Variants in MAGED1 observed in about 807,000 individuals in gnomAD.
MAGED1 encodes melanoma-associated antigen D1.
A neutral mutation model predicts 54.1 loss-of-function variants in MAGED1; 3 were observed. That is an observed-to-expected ratio of 0.06 (90% CI 0.03 to 0.14). The LOEUF (loss-of-function observed/expected upper bound fraction) is 0.14. MAGED1 is among the 10% of genes least tolerant of loss of function. The pLI, the probability that MAGED1 is intolerant of heterozygous loss-of-function variation, is 1.00. For synonymous variants in MAGED1, 217 were observed against 227.3 expected (o/e 0.95, Z 0.41); for missense variants, 485 against 623.4 (o/e 0.78, Z 2.36).
chrX:51,887,271 AT>A (rs1454208485), intron 1 of MAGED1, among the ~76,000 whole-genome samples: 1 of 111,907 alleles, frequency 8.9e-6, no homozygotes, highest in Admixed American at 9.5e-5. Context: ...TTTTCCCTAA[AT>A]TGATACACAG....
chrX:51,901,539 A>G lies in MAGED1; in HGVS notation c.1960-14A>G. ...GTAAATGGATTTTGTTTTGTTTTCTATTCCTCATCTCAGGTTCAGAAAAGA... is the reference window on the plus strand; with the variant it reads ...GTAAATGGATTTTGTTTTGTTTTCTGTTCCTCATCTCAGGTTCAGAAAAGA... On this transcript the variant is annotated splice_polypyrimidine_tract_variant and intron_variant, in intron 11 of 12. Transcript: ENST00000326587. The G allele has an allele frequency of 8.8e-7, 1 of 1,139,273 alleles. No homozygotes were observed. The highest frequency in any genetic ancestry group is 1.2e-6 in the Non-Finnish European group (1 of 860,881). 93.9% of individuals were successfully genotyped at this position (1,139,273 alleles called of 1,213,427 possible).
intron 1 of MAGED1, among the ~76,000 whole-genome samples, chrX:51,873,287 G>A (rs1557361765): frequency 9.0e-6 from 1 of 110,591 alleles, no homozygotes; most frequent in African/African-American, 3.3e-5. Flanking sequence ...CCATGATCCA[G>A]TCACCTCCCA....
chrX:51,876,779 TC>T (rs1320793932), intron 1 of MAGED1, among the ~76,000 whole-genome samples: 5 of 111,123 alleles, frequency 4.5e-5, no homozygotes, highest in African/African-American at 1.6e-4. Flanking sequence ...TCTTTTCTTT[TC>T]TTTTCTTTTT....
intron 1 of MAGED1, among the ~76,000 whole-genome samples, chrX:51,833,877 A>AC (rs1557357689): frequency 9.0e-6 from 1 of 111,021 alleles, no homozygotes; most frequent in Non-Finnish European, 1.9e-5. Flanking sequence ...CCCTGTATGA[A>AC]CCCCCAATCA....
At chrX:51,900,889 C>G (rs1436669382) in intron 11 of MAGED1, among the ~76,000 whole-genome samples, 3 of 112,599 alleles carry the variant, frequency 2.7e-5, no homozygotes, top group Admixed American at 9.4e-5. Context: ...CTGCCTCAGC[C>G]TCCCAAAGTG....
intron 1 of MAGED1, among the ~76,000 whole-genome samples, chrX:51,808,882 G>A (rs1210223009): frequency 9.0e-6 from 1 of 111,645 alleles, no homozygotes; most frequent in Admixed American, 9.5e-5. Context: ...TAATTCATAG[G>A]TGCATTAAGT....
chrX:51,882,596 C>T (rs1175127597), intron 1 of MAGED1, among the ~76,000 whole-genome samples: 1 of 64,898 alleles, frequency 1.5e-5, no homozygotes, highest in African/African-American at 6.3e-5. Context: ...CTGGAAACAC[C>T]AAAGGGCACA....
At chrX:51,894,993 C>T (rs1269932099) in intron 2 of MAGED1, 60 bp from the exon 3 acceptor site, 6 of 1,040,937 alleles carry the variant, frequency 5.8e-6, no homozygotes, top group Non-Finnish European at 7.7e-6. Flanking sequence ...CTCCCTATTC[C>T]CACCCCACCT....
intron 1 of MAGED1, among the ~76,000 whole-genome samples, chrX:51,808,710 GA>G (rs34543962): frequency 0.12 from 13,144 of 108,937 alleles, 661 homozygotes; most frequent in Middle Eastern, 0.15. Context: ...CCCTGCCTTA[GA>G]AAAAAAAATA....
At chrX:51,900,959 TA>T (rs1928995618) in intron 11 of MAGED1, among the ~76,000 whole-genome samples, 1 of 112,404 alleles carries the variant, frequency 8.9e-6, no homozygotes, top group African/African-American at 3.2e-5. Context: ...AACTGACTAA[TA>T]AAAAATATAC....
intron 1 of MAGED1, among the ~76,000 whole-genome samples, chrX:51,853,630 G>C (rs1455282469): frequency 8.9e-6 from 1 of 112,362 alleles, no homozygotes; most frequent in Non-Finnish European, 1.9e-5. Context: ...TTGCTTCACT[G>C]CTCTATTTAC....
chrX:51,815,071 G>A lies in MAGED1; in HGVS notation c.-37+11954G>A, dbSNP rs901987065. Among the ~76,000 whole-genome samples the A allele has an allele frequency of 1.2e-4, 13 of 109,361 alleles. No individual in the cohort carries two copies. In the South Asian group the frequency reaches 1.6e-3, roughly 14 times the overall value. The allele number at this position is 109,361 out of a possible 115,157, so 95.0% of individuals were successfully genotyped here. On this transcript the variant is annotated intron_variant, in intron 1 of 12. Transcript: ENST00000375772. ...GGCATGAGAATCGCTTGAACCTGGG[G>A]GGCAGAGCTTGCAGTGACCCAAGAT...
chrX:51,897,157 GT>G, intron 4 of MAGED1, 50 bp from the exon 5 acceptor site: 1 of 1,200,712 alleles, frequency 8.3e-7, no homozygotes, highest in Non-Finnish European at 1.1e-6. Flanking sequence ...ATTCAACCAA[GT>G]TTTTTTGTAA....
At chrX:51,836,457 T>C (rs1389976964) in intron 1 of MAGED1, among the ~76,000 whole-genome samples, 1 of 111,540 alleles carries the variant, frequency 9.0e-6, no homozygotes, top group Non-Finnish European at 1.9e-5. Context: ...TGGCTGTTGG[T>C]AACAGGTGCT....
At chrX:51,812,573 A>G (rs926048953) in intron 1 of MAGED1, among the ~76,000 whole-genome samples, 2 of 111,955 alleles carry the variant, frequency 1.8e-5, no homozygotes, top group Non-Finnish European at 3.8e-5. Flanking sequence ...TCCATATTAT[A>G]GCATGTCTTA....
Position 51,897,019 on chromosome X carries a change from G to T in MAGED1, c.1364G>T (p.Arg455Leu). Residue 455 changes from arginine (R) to leucine (L), a missense_variant, in exon 4 of 13, where the codon CGT becomes CTT. Transcript: ENST00000326587. ...AACCTGCGCCCTTCTCCCAACTCGC[G>T]TGCCTCACAGAACCCAGGTGCTGCA... is the stretch of plus-strand genomic sequence containing the variant. ...SPNLRPSPNS[R>L]ASQNPGAAQP... 3.3e-6 allele frequency: 4 copies of T among 1,211,451 alleles called. No individual in the cohort carries two copies. Among genetic ancestry groups the T allele is most frequent in the Non-Finnish European group, 4.5e-6 (4 of 895,435 alleles).
chrX:51,900,436 G>T, intron 11 of MAGED1, 140 bp downstream of exon 11: 1 of 436,360 alleles, frequency 2.3e-6, no homozygotes. Flanking sequence ...GTTGCTGTTA[G>T]GTAAACTTAA....
chrX:51,803,481 C>CA (rs1352187258), intron 1 of MAGED1, among the ~76,000 whole-genome samples: 1 of 109,201 alleles, frequency 9.2e-6, no homozygotes, highest in Non-Finnish European at 1.9e-5. Flanking sequence ...TTCTGCCCCC[C>CA]ATCCTGTTAA....
chrX:51,843,234 A>G (rs1166881291), intron 1 of MAGED1, among the ~76,000 whole-genome samples: 1 of 111,680 alleles, frequency 9.0e-6, no homozygotes, highest in Non-Finnish European at 1.9e-5. Flanking sequence ...AATGTCCCCT[A>G]AAGGTGTTCA....
Sources: allele counts gnomAD v4.1 joint callset (sites outside exome capture counted in the v4.1 genomes callset), GRCh38; gene constraint gnomAD v4.1.1; transcripts MANE v1.5; gene names NCBI Gene and HGNC (gene_info 2026-07-23, HGNC 2026-07-21).